Variants in CPZ observed in about 807,000 individuals in gnomAD.
The protein encoded by CPZ is VEZT/CPZ fusion.
CPZ carries 103 observed loss-of-function variants against 61.8 expected under a neutral mutation model. That is an observed-to-expected ratio of 1.67 (90% CI 1.42 to 1.96). CPZ has a LOEUF of 1.96. CPZ is among the 30% of genes most tolerant of loss of function. CPZ has a pLI of 0.00. For synonymous variants in CPZ, 551 were observed against 373.7 expected (o/e 1.47, Z -5.47); for missense variants, 1,461 against 914.9 (o/e 1.60, Z -7.70).
In CPZ at chr4:8,612,322, TTTTG is replaced by T. The variant is rs575333649; in HGVS notation, c.1363+164_1363+167del. Among the ~76,000 whole-genome samples, 125 of 150,848 alleles carry T rather than the reference TTTTG, an allele frequency of 8.3e-4. 1 individual carries two copies. The highest frequency in any genetic ancestry group is 2.9e-3 in the African/African-American group (119 of 40,896). On this transcript the variant is annotated intron_variant, in intron 8 of 10. Coordinates refer to ENST00000360986, the MANE Select transcript of CPZ (RefSeq NM_001014447.3). The stretch of plus-strand genomic sequence containing the variant: ...CTGGTGGAGAGGAGGCTGGCGTGAG[TTTTG>T]TTTCTGTCTTGATGAAAAGCTGTCG...
chr4:8,599,929 A>G (rs544034913), intron 2 of CPZ: 125 of 187,296 alleles, frequency 6.7e-4, no homozygotes, highest in Non-Finnish European at 9.2e-4. Flanking sequence ...GATGGTTTCA[A>G]AAGTGACGTG....
Position 8,606,020 on chromosome 4 carries a change from T to C in CPZ, c.741T>C (p.Ile247=). 1 of 1,614,028 alleles carries C rather than the reference T, an allele frequency of 6.2e-7. No individual in the cohort carries two copies. The highest frequency in any genetic ancestry group is 8.5e-7 in the Non-Finnish European group (1 of 1,179,896). ...MEPEVKLIGN[I]HGNEVAGREM... ...CCGAGGTGAAGCTCATCGGCAACAT[T>C]CATGGCAACGAGGTGGCGGGCCGGG... Residue 247 remains isoleucine, a synonymous_variant, in exon 5 of 11, where the codon ATT becomes ATC. Transcript: ENST00000360986.
At chr4:8,613,132 CCT>C (rs1491580201) in intron 8 of CPZ, among the ~76,000 whole-genome samples, 13 of 134,668 alleles carry the variant, frequency 9.7e-5, no homozygotes, top group African/African-American at 1.9e-4. Context: ...CCTCTCTGTT[CCT>C]TTTTTTTTTT....
intron 1 of CPZ, among the ~76,000 whole-genome samples, chr4:8,598,943 C>T (rs1450238029): frequency 1.3e-5 from 2 of 152,204 alleles, no homozygotes; most frequent in Non-Finnish European, 2.9e-5. Flanking sequence ...CTTGGGGGCA[C>T]GGAGCCTGCG....
Position 8,619,543 on chromosome 4 carries a change from G to T in CPZ, c.1885G>T (p.Gly629Trp), listed in dbSNP as rs202089730. The change falls in exon 11 of 11, where the codon GGG becomes TGG. Residue 629 changes from glycine (G) to tryptophan (W), a missense_variant. Coordinates refer to ENST00000360986, the MANE Select transcript of CPZ (RefSeq NM_001014447.3). ...LRARRQPSADGSKPWWWSYFT... is the reference protein window; with the variant it reads ...LRARRQPSADWSKPWWWSYFT... Reference sequence around the variant, plus strand: ...GGCGCGCAGGCAGCCCTCGGCCGACGGGAGTAAGCCCTGGTGGTGGTCCTA... The same window carrying T: ...GGCGCGCAGGCAGCCCTCGGCCGACTGGAGTAAGCCCTGGTGGTGGTCCTA... The T allele has an allele frequency of 1.3e-6, 2 of 1,570,492 alleles. No individual in the cohort carries two copies. The highest frequency in any genetic ancestry group is 1.2e-5 in the South Asian group (1 of 83,482).
chr4:8,594,490 C>T (rs993451504), intron 1 of CPZ, among the ~76,000 whole-genome samples: 2 of 152,190 alleles, frequency 1.3e-5, no homozygotes, highest in Admixed American at 1.3e-4. Flanking sequence ...TGCTGTGTGA[C>T]CTGGGCAGAT....
chr4:8,606,322 G>A (rs895053142), intron 5 of CPZ, 137 bp downstream of exon 5: 1 of 851,810 alleles, frequency 1.2e-6, no homozygotes, highest in East Asian at 2.7e-5. Flanking sequence ...TGTCGATACT[G>A]GCAAACCCCT....
At chr4:8,612,000 C>T in intron 7 of CPZ, 27 bp from the exon 8 acceptor site, 1 of 1,613,634 alleles carries the variant, frequency 6.2e-7, no homozygotes. Flanking sequence ...GGACCCTTTC[C>T]TTATCTGAGC....
chr4:8,613,688 G>A (rs934164138), intron 8 of CPZ, among the ~76,000 whole-genome samples: 3 of 152,214 alleles, frequency 2.0e-5, no homozygotes, highest in African/African-American at 7.2e-5. Context: ...TGAACAAGAA[G>A]CTCCAAGAGC....
Position 8,605,679 on chromosome 4 carries a change from C to G in CPZ, c.710-310C>G, listed in dbSNP as rs535420843. On this transcript the variant is annotated intron_variant, in intron 4 of 10. Transcript: ENST00000360986. ...GGCCAACCACCTTCCCAGCTAAGTACCAATGTGCACTTTGACTTATTACAC... is the reference window on the plus strand; with the variant it reads ...GGCCAACCACCTTCCCAGCTAAGTAGCAATGTGCACTTTGACTTATTACAC... Among the ~76,000 whole-genome samples the G allele has an allele frequency of 5.9e-5, 8 of 136,626 alleles. No homozygotes were observed. The South Asian group carries it at 9.9e-4, about 17-fold the overall frequency. 89.6% of individuals were successfully genotyped at this position (136,626 alleles called of 152,430 possible). A position where few individuals can be genotyped will look rare whatever the true frequency, so the allele number is the denominator to read the frequency against.
chr4:8,605,634 T>TATCCATTCATCCATCCACCC (rs1553876825), intron 4 of CPZ, among the ~76,000 whole-genome samples: 5 of 148,682 alleles, frequency 3.4e-5, no homozygotes, highest in African/African-American at 1.3e-4. Flanking sequence ...ATCATTGATA[T>TATCCATTCATCCATCCACCC]ATCCATTCAT....
In CPZ at chr4:8,609,127, TTCAC is replaced by T. The variant is rs74218813; in HGVS notation, c.1227+1706_1227+1709del. 1.4e-3 allele frequency among the ~76,000 whole-genome samples: 197 copies of T among 139,456 alleles called. 2 individuals are homozygous for T. The highest frequency in any genetic ancestry group is 5.2e-3 in the African/African-American group (187 of 35,772). The allele number at this position is 139,456 out of a possible 152,430, so 91.5% of individuals were successfully genotyped here. ...ACTCCCTTCCTCACTCCCTCACTCATTCACTCATTTACTCATTCACCCACTCCCT... is the reference window on the plus strand; with the variant it reads ...ACTCCCTTCCTCACTCCCTCACTCATTCATTTACTCATTCACCCACTCCCT... On this transcript the variant is annotated intron_variant, in intron 7 of 10. Transcript: ENST00000360986.
At chr4:8,608,566 C>G (rs1715249981) in intron 7 of CPZ, among the ~76,000 whole-genome samples, 1 of 151,670 alleles carries the variant, frequency 6.6e-6, no homozygotes, top group South Asian at 2.1e-4. Flanking sequence ...TGGGGGTCCT[C>G]AGTCTAGGGT....
chr4:8,612,180 CGGGACTGGGCGGGGGGTGGGGGGTGCA>C lies in CPZ; in HGVS notation c.1363+22_1363+48del, dbSNP rs1715759857. 3.5e-5 allele frequency: 10 copies of C among 283,678 alleles called. No homozygotes were observed. Among genetic ancestry groups the C allele is most frequent in the Non-Finnish European group, 3.9e-5 (9 of 230,098 alleles). The allele number at this position is 283,678 out of a possible 1,614,324, so 17.6% of individuals were successfully genotyped here. Reference sequence around the variant, plus strand: ...CACGGGAGGTGCGGCTTCCGCAGGGCGGGACTGGGCGGGGGGTGGGGGGTGCAGGGGCTGGGTGGGGCAGGGGCAAGG... The same window carrying C: ...CACGGGAGGTGCGGCTTCCGCAGGGCGGGGCTGGGTGGGGCAGGGGCAAGG... On this transcript the variant is annotated intron_variant, in intron 8 of 10. Transcript: ENST00000360986.
chr4:8,609,368 C>G (rs1224335368), intron 7 of CPZ, among the ~76,000 whole-genome samples: 1 of 151,836 alleles, frequency 6.6e-6, no homozygotes, highest in Non-Finnish European at 1.5e-5. Flanking sequence ...CACTCACAAA[C>G]TCATTCACTC....
intron 7 of CPZ, among the ~76,000 whole-genome samples, chr4:8,608,712 T>G (rs1051824691): frequency 6.6e-6 from 1 of 151,504 alleles, no homozygotes; most frequent in African/African-American, 2.4e-5. Flanking sequence ...GGTCTGGGAC[T>G]TCAGGAGGGC....
intron 10 of CPZ, 136 bp downstream of exon 10, chr4:8,618,664 G>C (rs190612360): frequency 2.5e-6 from 2 of 785,128 alleles, no homozygotes; most frequent in Non-Finnish European, 4.1e-6. Context: ...AGGCTGGCTG[G>C]GTCGGGGAGG....
chr4:8,613,600 TCCCTGTGGCCCCCGACACAGCCAG>T (rs1195155101), intron 8 of CPZ, among the ~76,000 whole-genome samples: 1 of 152,184 alleles, frequency 6.6e-6, no homozygotes, highest in East Asian at 1.9e-4. Context: ...GGGCGTGGGC[TCCCTGTGGCCCCCGACACAGCCAG>T]CCCTGTGGGT....
chr4:8,598,741 A>G (rs891147625), intron 1 of CPZ, among the ~76,000 whole-genome samples: 19 of 152,246 alleles, frequency 1.2e-4, no homozygotes, highest in African/African-American at 3.6e-4. Flanking sequence ...CAGGGCCCTT[A>G]GCAGCCAGCA....
Sources: allele counts gnomAD v4.1 joint callset (sites outside exome capture counted in the v4.1 genomes callset), GRCh38; gene constraint gnomAD v4.1.1; transcripts MANE v1.5; gene names NCBI Gene and HGNC (gene_info 2026-07-23, HGNC 2026-07-21).